SESTD1: variants seen among roughly 807,000 people sequenced by gnomAD.
SESTD1 encodes the protein SEC14 domain and spectrin repeat-containing protein 1.
Under a neutral mutation model 101.7 loss-of-function variants are expected in SESTD1, and 43 were observed. The observed-to-expected ratio is 0.42, with a 90% CI of 0.33 to 0.55. The LOEUF is 0.55. Ranked by LOEUF, SESTD1 falls within the 20% of genes least tolerant of loss-of-function variation. SESTD1 has a pLI of 0.07. For synonymous variants in SESTD1, 283 were observed against 286.8 expected, an observed-to-expected ratio of 0.99 and a Z score of 0.13; for missense variants, 647 against 815.1, an observed-to-expected ratio of 0.79 and a Z score of 2.51.
intron 2 of SESTD1, among the ~76,000 whole-genome samples, chr2:179,184,132 A>T (rs2046168906): frequency 6.6e-6 from 1 of 152,272 alleles, no homozygotes; most frequent in African/African-American, 2.4e-5. Context: ...ATGTACGTTC[A>T]AGTCCCTTTC....
Position 179,151,266 on chromosome 2 carries a change from T to C in SESTD1, c.483+12A>G. The stretch of plus-strand genomic sequence containing the variant: ...TATGCAATAACATTTTATCTCATTG[T>C]AATATACCAACCAGCCTCTTATTTA... On this transcript the variant is annotated intron_variant, in intron 6 of 17. Coordinates refer to ENST00000428443, the MANE Select transcript of SESTD1 (RefSeq NM_178123.5). 3 of 1,531,250 alleles carry C rather than the reference T, an allele frequency of 2.0e-6. No individual in the cohort carries two copies. The highest frequency in any genetic ancestry group is 2.7e-6 in the Non-Finnish European group (3 of 1,127,546). 94.9% of individuals were successfully genotyped at this position (1,531,250 alleles called of 1,614,324 possible).
chr2:179,170,364 C>T (rs1039840435), intron 5 of SESTD1, among the ~76,000 whole-genome samples: 1 of 151,858 alleles, frequency 6.6e-6, no homozygotes, highest in African/African-American at 2.4e-5. Context: ...ACATAAAAAA[C>T]TCTCAAAATC....
chr2:179,233,163 T>C (rs530663657), intron 1 of SESTD1, among the ~76,000 whole-genome samples: 1 of 152,346 alleles, frequency 6.6e-6, no homozygotes, highest in East Asian at 1.9e-4. Context: ...AAAGTAACTT[T>C]TGAACACAGT....
intron 10 of SESTD1, among the ~76,000 whole-genome samples, 171 bp from the exon 11 acceptor site, chr2:179,124,729 T>G (rs894829829): frequency 1.3e-5 from 2 of 152,044 alleles, no homozygotes; most frequent in African/African-American, 4.8e-5. Flanking sequence ...TGGAACTCAA[T>G]CCCTGACCTC....
chr2:179,158,748 T>C (rs759062850), intron 5 of SESTD1, among the ~76,000 whole-genome samples: 7 of 152,206 alleles, frequency 4.6e-5, no homozygotes, highest in Non-Finnish European at 7.3e-5. Flanking sequence ...ATACAATCCA[T>C]ATTCTTATAA....
In SESTD1 at chr2:179,176,463, T is replaced by C. The variant is rs755233160; in HGVS notation, c.240A>G (p.Val80=). The C allele has an allele frequency of 2.5e-6, 4 of 1,613,222 alleles. No homozygotes were observed. The highest frequency in any genetic ancestry group is 3.4e-6 in the Non-Finnish European group (4 of 1,179,630). ...CCAAAATTACCTGTAGCATTACGAC[T>C]ACTGTTTTCACCACATTCCACTGTG... is the stretch of plus-strand genomic sequence containing the variant. ...RKSQWNVVKT[V]VVMLQNVVPA... Residue 80 remains valine (V), a synonymous_variant, in exon 4 of 18, where the codon GTA becomes GTG. Coordinates refer to ENST00000428443, the MANE Select transcript of SESTD1 (RefSeq NM_178123.5).
intron 1 of SESTD1, among the ~76,000 whole-genome samples, chr2:179,199,439 T>A (rs2046465128): frequency 6.6e-6 from 1 of 152,178 alleles, no homozygotes; most frequent in East Asian, 1.9e-4. Context: ...GAGGGAATCC[T>A]CCCTAACTCA....
intron 5 of SESTD1, among the ~76,000 whole-genome samples, chr2:179,169,200 C>G (rs555128203): frequency 6.6e-6 from 1 of 151,898 alleles, no homozygotes; most frequent in Non-Finnish European, 1.5e-5. Context: ...TATATGGTGT[C>G]TACAAAAAAT....
chr2:179,220,431 G>C (rs1049096432), intron 1 of SESTD1, among the ~76,000 whole-genome samples: 5 of 152,154 alleles, frequency 3.3e-5, no homozygotes, highest in African/African-American at 1.2e-4. Context: ...AATCACACTT[G>C]TGGAATTCCA....
At chr2:179,248,491 A>G (rs2047266068) in intron 1 of SESTD1, among the ~76,000 whole-genome samples, 1 of 152,150 alleles carries the variant, frequency 6.6e-6, no homozygotes, top group African/African-American at 2.4e-5. Flanking sequence ...AAATATTAGC[A>G]AATAGTATTC....
chr2:179,232,453 A>T (rs1238287850), intron 1 of SESTD1, among the ~76,000 whole-genome samples: 2 of 152,116 alleles, frequency 1.3e-5, no homozygotes, highest in Non-Finnish European at 2.9e-5. Flanking sequence ...TTTTTTAAGT[A>T]AATGAACAAG....
chr2:179,143,737 G>C lies in SESTD1; in HGVS notation c.704C>G (p.Ser235Cys), dbSNP rs757437903. 19 of 1,613,818 alleles carry C rather than the reference G, an allele frequency of 1.2e-5. No individual in the cohort carries two copies. Among genetic ancestry groups the C allele is most frequent in the Non-Finnish European group, 1.6e-5 (19 of 1,179,940 alleles). ...TGCAAGAAGTTCATCATCCATAGGA[G>C]ACCATGAAACCCCTCCGTCTGAGCC... ...FNGSDGGVSW[S>C]PMDDELLAQP... Residue 235 changes from serine to cysteine, a missense_variant, in exon 9 of 18, where the codon TCT becomes TGT. By Grantham distance (112) the Ser-to-Cys change is moderately radical. Transcript: ENST00000428443.
At chr2:179,124,259 G>C (rs1295071581) in intron 11 of SESTD1, 105 bp downstream of exon 11, 9 of 1,050,640 alleles carry the variant, frequency 8.6e-6, no homozygotes, top group Admixed American at 2.6e-5. Context: ...TCATTTTATT[G>C]GTTCAGAAAA....
chr2:179,113,307 TAAA>T (rs897462568), intron 16 of SESTD1, among the ~76,000 whole-genome samples: 9 of 152,056 alleles, frequency 5.9e-5, no homozygotes, highest in African/African-American at 1.2e-4. Context: ...ATTATATAAA[TAAA>T]AAACAACAAA....
intron 5 of SESTD1, among the ~76,000 whole-genome samples, chr2:179,166,079 C>T (rs182461372): frequency 3.2e-4 from 48 of 152,160 alleles, no homozygotes; most frequent in Non-Finnish European, 5.1e-4. Flanking sequence ...CTGATGCCAG[C>T]CAGGTAGGAA....
At chr2:179,153,139 C>T (rs746217413) in intron 5 of SESTD1, among the ~76,000 whole-genome samples, 9 of 152,142 alleles carry the variant, frequency 5.9e-5, no homozygotes, top group Non-Finnish European at 1.2e-4. Flanking sequence ...TACCTATAAA[C>T]TCAGAAGAAT....
rs535277934 is a variant in SESTD1 at position 179,238,401 on chromosome 2, G to A, written c.-26+26098C>T. On this transcript the variant is annotated intron_variant, in intron 1 of 17. Transcript: ENST00000428443. The stretch of plus-strand genomic sequence containing the variant: ...CTCATGGCCTTAGAAATCCTGTCAT[G>A]ATCAAATTTCTTCAAAATTCTTAGA... Among the ~76,000 whole-genome samples the A allele has an allele frequency of 1.2e-4, 18 of 152,174 alleles. No individual in the cohort carries two copies. In the South Asian group the frequency reaches 3.7e-3, roughly 32 times the overall value.
chr2:179,140,379 A>G (rs111620112), intron 9 of SESTD1, among the ~76,000 whole-genome samples: 4,459 of 152,152 alleles, frequency 0.029, 90 homozygotes, highest in Admixed American at 0.036. Context: ...TTATAAGGAG[A>G]GGAAATCTGG....
intron 1 of SESTD1, among the ~76,000 whole-genome samples, chr2:179,254,357 C>G (rs1035912469): frequency 3.9e-5 from 6 of 152,142 alleles, no homozygotes; most frequent in Non-Finnish European, 7.4e-5. Context: ...CCTTAACGCA[C>G]TACAGACTTT....
Sources: gnomAD v4.1 joint callset for allele counts (sites outside exome capture counted in the v4.1 genomes callset) on GRCh38, gnomAD v4.1.1 for gene constraint, MANE v1.5 for transcripts, NCBI Gene and HGNC (gene_info 2026-07-23, HGNC 2026-07-21) for gene names.